Variants in RAB27A observed in about 807,000 individuals in gnomAD.
RAB27A encodes the protein RAB27A, member RAS oncogene family.
A neutral mutation model predicts 20.8 loss-of-function variants in RAB27A; 17 were observed. The observed-to-expected ratio is 0.82, with a 90% CI of 0.56 to 1.23. RAB27A has a LOEUF of 1.23. RAB27A is among the 50% of genes most tolerant of loss of function. RAB27A has a pLI of 0.00. For missense variants in RAB27A, 277 were observed against 266.7 expected, an observed-to-expected ratio of 1.04 and a Z score of -0.27; for synonymous variants, 85 against 92.8, an observed-to-expected ratio of 0.92 and a Z score of 0.48.
intron 2 of RAB27A, among the ~76,000 whole-genome samples, chr15:55,299,227 T>C (rs1385288005): frequency 3.9e-5 from 6 of 152,218 alleles, no homozygotes; most frequent in African/African-American, 7.2e-5. Flanking sequence ...AACTAATAAA[T>C]GTCCATAAAA....
At chr15:55,264,332 G>C (rs1252296746) in intron 2 of RAB27A, among the ~76,000 whole-genome samples, 1 of 152,170 alleles carries the variant, frequency 6.6e-6, no homozygotes, top group Non-Finnish European at 1.5e-5. Flanking sequence ...ATTACTTTGG[G>C]TGTGAGCCAC....
intron 2 of RAB27A, among the ~76,000 whole-genome samples, chr15:55,247,876 C>T (rs561998756): frequency 9.9e-5 from 15 of 151,878 alleles, no homozygotes; most frequent in African/African-American, 3.1e-4. Context: ...CTAAGAGGCA[C>T]CAGGTATGGC....
At chr15:55,228,471 T>TA in intron 5 of RAB27A, 138 bp downstream of exon 5, 1 of 715,610 alleles carries the variant, frequency 1.4e-6, no homozygotes, top group Non-Finnish European at 2.4e-6. Flanking sequence ...GTCCCTAAAC[T>TA]AAAAACCTTG....
intron 1 of RAB27A, among the ~76,000 whole-genome samples, chr15:55,286,032 G>C (rs1006070369): frequency 2.0e-4 from 31 of 152,322 alleles, no homozygotes; most frequent in African/African-American, 7.0e-4. Flanking sequence ...AGACTTAGGA[G>C]ATGTTGGTGT....
chr15:55,274,446 G>A (rs1017244329), intron 1 of RAB27A, among the ~76,000 whole-genome samples: 1 of 151,976 alleles, frequency 6.6e-6, no homozygotes, highest in Admixed American at 6.6e-5. Flanking sequence ...AAGAAAAGAT[G>A]AATAAAACTA....
chr15:55,300,082 A>C (rs924811012), intron 2 of RAB27A, among the ~76,000 whole-genome samples: 1 of 152,028 alleles, frequency 6.6e-6, no homozygotes, highest in Non-Finnish European at 1.5e-5. Context: ...GGCCTCCCAA[A>C]GTGCTGGGAT....
At chr15:55,244,478 TTTG>T (rs1261933089) in intron 2 of RAB27A, among the ~76,000 whole-genome samples, 10 of 152,030 alleles carry the variant, frequency 6.6e-5, no homozygotes, top group Admixed American at 3.3e-4. Context: ...TGCCCAGCTT[TTTG>T]TTGTTGTTGT....
intron 1 of RAB27A, among the ~76,000 whole-genome samples, chr15:55,276,790 G>C (rs2141112443): frequency 1.3e-5 from 2 of 152,264 alleles, no homozygotes; most frequent in Admixed American, 1.3e-4. Context: ...CTGCTAAGAA[G>C]ATAGATCCAG....
chr15:55,319,017 G>A, exon 1 of RAB27A: 1 of 496,442 alleles, frequency 2.0e-6, no homozygotes. Context: ...AGCAGTTTTC[G>A]GACCCCCGAG....
rs2055022603 is a variant in RAB27A at position 55,311,960 on chromosome 15, TG to T, written c.-112+2078del. Reference sequence around the variant, plus strand: ...GTGGCAAGCCTCGTGTTCTCTGACCTGGGGTTCTTGGCCTCACGGATTCCAA... The same window carrying T: ...GTGGCAAGCCTCGTGTTCTCTGACCTGGGTTCTTGGCCTCACGGATTCCAA... On this transcript the variant is annotated intron_variant, in intron 2 of 5. Transcript: ENST00000563262. Among the ~76,000 whole-genome samples, 3 of 152,290 alleles carry T rather than the reference TG, an allele frequency of 2.0e-5. No homozygotes were observed. The South Asian group carries it at 6.2e-4, about 32-fold the overall frequency.
chr15:55,304,877 G>C (rs2054990719), intron 2 of RAB27A, among the ~76,000 whole-genome samples: 1 of 151,830 alleles, frequency 6.6e-6, no homozygotes, highest in Non-Finnish European at 1.5e-5. Context: ...GTTTGGTTTT[G>C]TTTTTGCAGT....
At chr15:55,279,182 C>T (rs6493776) in intron 1 of RAB27A, among the ~76,000 whole-genome samples, 74,256 of 151,926 alleles carry the variant, frequency 0.49, 21,197 homozygotes, top group African/African-American at 0.78. Flanking sequence ...TAATAAAGGC[C>T]CCCATGGCCT....
chr15:55,217,497 T>TA (rs67576400), intron 6 of RAB27A, among the ~76,000 whole-genome samples: 10 of 149,968 alleles, frequency 6.7e-5, no homozygotes, highest in South Asian at 2.1e-4. Flanking sequence ...TCGTCTTTAC[T>TA]AAAAAAAATA....
At chr15:55,306,242 G>C (rs2054996466) in intron 2 of RAB27A, among the ~76,000 whole-genome samples, 1 of 152,134 alleles carries the variant, frequency 6.6e-6, no homozygotes, top group African/African-American at 2.4e-5. Flanking sequence ...AAACGGAAGT[G>C]GTGTTTATGT....
intron 2 of RAB27A, among the ~76,000 whole-genome samples, chr15:55,264,475 T>C (rs1897389778): frequency 6.6e-6 from 1 of 152,216 alleles, no homozygotes; most frequent in Admixed American, 6.5e-5. Context: ...TAAGCTGTTT[T>C]AGAGAAAAAT....
chr15:55,210,023 C>CAT (rs546510862), intron 6 of RAB27A, among the ~76,000 whole-genome samples: 4 of 135,556 alleles, frequency 3.0e-5, no homozygotes, highest in Admixed American at 7.4e-5. Context: ...CATATATACG[C>CAT]ATATATATGT....
chr15:55,213,184 A>G (rs1036454462), intron 6 of RAB27A, among the ~76,000 whole-genome samples: 2 of 152,320 alleles, frequency 1.3e-5, no homozygotes, highest in South Asian at 4.1e-4. Context: ...GAGTCCTGCA[A>G]TTGAATTCAG....
chr15:55,263,775 T>G (rs1321971607), intron 2 of RAB27A, among the ~76,000 whole-genome samples: 1 of 104,506 alleles, frequency 9.6e-6, no homozygotes, highest in Non-Finnish European at 1.9e-5. Flanking sequence ...AGTTTTTCCA[T>G]TAGTCTGTTT....
chr15:55,313,827 G>A (rs1304299561), intron 2 of RAB27A, among the ~76,000 whole-genome samples: 1 of 152,100 alleles, frequency 6.6e-6, no homozygotes, highest in African/African-American at 2.4e-5. Flanking sequence ...CAAAAACTTA[G>A]CCGGGAGTGG....
Sources: gnomAD v4.1 joint callset for allele counts (sites outside exome capture counted in the v4.1 genomes callset) on GRCh38, gnomAD v4.1.1 for gene constraint, MANE v1.5 for transcripts, NCBI Gene and HGNC (gene_info 2026-07-23, HGNC 2026-07-21) for gene names.